The following ASTN2 variants were observed in gnomAD, a reference collection of about 807,000 sequenced individuals.
The protein encoded by ASTN2 is astrotactin 2.
In ASTN2, 54 loss-of-function variants were observed where a neutral mutation model predicts 139.8. The observed-to-expected ratio is 0.39, with a 90% confidence interval of 0.31 to 0.48. The LOEUF is 0.48. Ranked by LOEUF, ASTN2 falls within the 20% of genes least tolerant of loss-of-function variation. ASTN2 has a pLI of 0.95. For missense variants in ASTN2, 1,565 were observed against 1,725.1 expected (o/e 0.91, Z 1.64); for synonymous variants, 756 against 719.5 (o/e 1.05, Z -0.81).
chr9:117,372,258 C>T (rs936575815), intron 1 of ASTN2, among the ~76,000 whole-genome samples: 1 of 152,170 alleles, frequency 6.6e-6, no homozygotes, highest in Non-Finnish European at 1.5e-5. Context: ...TTCCAATGCC[C>T]TTTGATCATT....
intron 11 of ASTN2, among the ~76,000 whole-genome samples, chr9:116,849,517 C>A (rs151262137): frequency 3.3e-5 from 5 of 152,274 alleles, no homozygotes; most frequent in Admixed American, 2.6e-4. Context: ...TTTGCAGGTA[C>A]TATTATTTCA....
rs73529462 is a variant in ASTN2 at position 116,824,329 on chromosome 9, G to A, written c.2041-3546C>T. Among the ~76,000 whole-genome samples the A allele has an allele frequency of 7.3e-3, 1,107 of 152,220 alleles. 7 individuals carry two copies. The highest frequency in any genetic ancestry group is 0.024 in the African/African-American group (1,017 of 41,548). ...ACCAATAGTATGTGGCAGAAGAGGA[G>A]GTATGTGGCTTCTAAAGGTAGATCA... On this transcript the variant is annotated intron_variant, in intron 11 of 22. Coordinates refer to ENST00000313400, the MANE Select transcript of ASTN2 (RefSeq NM_001365068.1).
At chr9:117,283,313 T>C (rs2130770252) in intron 2 of ASTN2, among the ~76,000 whole-genome samples, 1 of 152,344 alleles carries the variant, frequency 6.6e-6, no homozygotes, top group South Asian at 2.1e-4. Flanking sequence ...AGGCTTTTAG[T>C]GAAACCATGT....
intron 1 of ASTN2, among the ~76,000 whole-genome samples, chr9:117,309,669 A>G (rs1827907075): frequency 6.6e-6 from 1 of 152,180 alleles, no homozygotes; most frequent in Non-Finnish European, 1.5e-5. Flanking sequence ...AGAGAGGGAA[A>G]GGGATTTGGC....
intron 3 of ASTN2, among the ~76,000 whole-genome samples, chr9:117,146,677 C>T (rs150989196): frequency 2.0e-5 from 3 of 151,890 alleles, no homozygotes; most frequent in African/African-American, 7.3e-5. Flanking sequence ...GTGAGGGATA[C>T]AAGACTACAA....
chr9:116,987,009 A>T (rs1836702002), intron 7 of ASTN2, among the ~76,000 whole-genome samples: 1 of 152,230 alleles, frequency 6.6e-6, no homozygotes, highest in South Asian at 2.1e-4. Flanking sequence ...ATGAAGAAGC[A>T]GTCCCTGGAA....
chr9:117,216,261 T>C (rs1204410470), intron 2 of ASTN2, among the ~76,000 whole-genome samples: 5 of 152,202 alleles, frequency 3.3e-5, no homozygotes, highest in Non-Finnish European at 7.3e-5. Context: ...AAAACTGGCA[T>C]GTTCTATTTG....
In ASTN2 at chr9:116,870,986, C is replaced by A. The variant is rs61539844; in HGVS notation, c.1890-7253G>T. Among the ~76,000 whole-genome samples the A allele has an allele frequency of 7.2e-5, 11 of 152,270 alleles. 1 individual carries two copies. The highest frequency in any genetic ancestry group is 2.6e-4 in the African/African-American group (11 of 41,548). On this transcript the variant is annotated intron_variant, in intron 10 of 22. Transcript: ENST00000313400. ...ATAAAAATCAAGCTCAGGGCAGGCA[C>A]GGTGCCTCACGCCTGTAATCCCAGC... is the stretch of plus-strand genomic sequence containing the variant.
At chr9:116,977,539 G>A (rs1252277619) in intron 7 of ASTN2, among the ~76,000 whole-genome samples, 1 of 151,772 alleles carries the variant, frequency 6.6e-6, no homozygotes, top group East Asian at 1.9e-4. Context: ...ATTACACACT[G>A]CCTTAAGTAT....
intron 20 of ASTN2, among the ~76,000 whole-genome samples, chr9:116,462,278 G>A (rs1211046323): frequency 6.6e-6 from 1 of 152,170 alleles, no homozygotes; most frequent in Non-Finnish European, 1.5e-5. Context: ...TTTTATCATT[G>A]TCTTCCTTTT....
intron 5 of ASTN2, among the ~76,000 whole-genome samples, chr9:117,089,003 A>G (rs1033576566): frequency 5.9e-5 from 9 of 152,136 alleles, no homozygotes; most frequent in Non-Finnish European, 1.3e-4. Context: ...GCTTATCCTG[A>G]TTAGCAACGC....
intron 3 of ASTN2, among the ~76,000 whole-genome samples, chr9:117,156,376 A>G (rs1564453617): frequency 6.6e-6 from 1 of 152,072 alleles, no homozygotes; most frequent in Non-Finnish European, 1.5e-5. Context: ...GCTCTTGACT[A>G]ACACAGGGTT....
intron 19 of ASTN2, among the ~76,000 whole-genome samples, chr9:116,576,102 C>G (rs1316699975): frequency 6.6e-6 from 1 of 152,154 alleles, no homozygotes; most frequent in Non-Finnish European, 1.5e-5. Context: ...TTTGGCCTCA[C>G]TTTGAACTCT....
intron 6 of ASTN2, among the ~76,000 whole-genome samples, chr9:117,012,069 C>T (rs1156945976): frequency 2.0e-5 from 3 of 152,182 alleles, no homozygotes; most frequent in Non-Finnish European, 1.5e-5. Context: ...ATGCCTGGCA[C>T]ATACTAGGAC....
At chr9:116,489,407 G>A (rs1849441838) in intron 19 of ASTN2, among the ~76,000 whole-genome samples, 1 of 152,106 alleles carries the variant, frequency 6.6e-6, no homozygotes, top group Non-Finnish European at 1.5e-5. Flanking sequence ...TGCAACCTCA[G>A]CTCATTGAAG....
intron 5 of ASTN2, among the ~76,000 whole-genome samples, chr9:117,073,642 A>C (rs564729067): frequency 6.6e-6 from 1 of 152,294 alleles, no homozygotes; most frequent in Admixed American, 6.5e-5. Flanking sequence ...TGTTACACTC[A>C]ATGCATGACT....
chr9:116,862,729 C>T (rs1339340798), intron 11 of ASTN2, among the ~76,000 whole-genome samples: 2 of 151,780 alleles, frequency 1.3e-5, no homozygotes, highest in African/African-American at 4.8e-5. Flanking sequence ...GAAAGAAGAG[C>T]ATTGAATGCC....
At chr9:116,685,453 A>T (rs1389689881) in intron 16 of ASTN2, among the ~76,000 whole-genome samples, 5 of 152,220 alleles carry the variant, frequency 3.3e-5, no homozygotes, top group Non-Finnish European at 1.5e-5. Context: ...TTGATGAATC[A>T]GCTCTGTCTA....
At chr9:116,627,588 T>C (rs935762960) in intron 17 of ASTN2, among the ~76,000 whole-genome samples, 4 of 152,200 alleles carry the variant, frequency 2.6e-5, no homozygotes, top group African/African-American at 9.7e-5. Flanking sequence ...ATGTCAGCCT[T>C]ATGTAGTAGT....
Sources: allele counts gnomAD v4.1 joint callset (sites outside exome capture counted in the v4.1 genomes callset), GRCh38; gene constraint gnomAD v4.1.1; transcripts MANE v1.5; gene names NCBI Gene and HGNC (gene_info 2026-07-23, HGNC 2026-07-21).